RGS21: variants seen among roughly 807,000 people sequenced by gnomAD.
RGS21 encodes regulator of G protein signaling 21.
A neutral mutation model predicts 18.7 loss-of-function variants in RGS21; 19 were observed. The ratio of observed to expected loss-of-function variants is 1.01; its 90% CI spans 0.71 to 1.49. RGS21 has a LOEUF of 1.49. Ranked by LOEUF, RGS21 falls within the 40% of genes most tolerant of loss-of-function variation. The pLI is 0.00. For synonymous variants in RGS21, 56 were observed against 57.8 expected (o/e 0.97, Z 0.14); for missense variants, 194 against 176.8 (o/e 1.10, Z -0.55).
chr1:192,347,663 T>C (rs1212031894), intron 3 of RGS21, among the ~76,000 whole-genome samples: 1 of 152,114 alleles, frequency 6.6e-6, no homozygotes, highest in African/African-American at 2.4e-5. Context: ...TTTTTTATTA[T>C]TTTTTATTTT....
At chr1:192,363,026 G>A (rs1659207520) in intron 4 of RGS21, among the ~76,000 whole-genome samples, 1 of 152,098 alleles carries the variant, frequency 6.6e-6, no homozygotes, top group African/African-American at 2.4e-5. Flanking sequence ...AAAAAGACTT[G>A]TGAAAGACTT....
chr1:192,347,491 A>T, intron 3 of RGS21, 102 bp downstream of exon 3: 1 of 607,488 alleles, frequency 1.6e-6, no homozygotes, highest in Non-Finnish European at 2.9e-6. Flanking sequence ...TTAATCAATG[A>T]AGTATAAAAT....
At chr1:192,348,854 T>G (rs1302078059) in intron 3 of RGS21, among the ~76,000 whole-genome samples, 1 of 152,100 alleles carries the variant, frequency 6.6e-6, no homozygotes, top group Non-Finnish European at 1.5e-5. Context: ...TAAAACACAA[T>G]AGAGCTGAAT....
chr1:192,364,051 A>G (rs115355646), intron 4 of RGS21, among the ~76,000 whole-genome samples: 284 of 152,298 alleles, frequency 1.9e-3, no homozygotes, highest in African/African-American at 6.4e-3. Flanking sequence ...GTCAAAAACT[A>G]TCAGCAGCTT....
At chr1:192,344,465 T>C (rs1658918691) in intron 2 of RGS21, among the ~76,000 whole-genome samples, 1 of 152,118 alleles carries the variant, frequency 6.6e-6, no homozygotes, top group South Asian at 2.1e-4. Context: ...AACAGACTGT[T>C]ATTTTCAAGA....
chr1:192,343,809 T>C (rs2102230366), intron 2 of RGS21, among the ~76,000 whole-genome samples: 1 of 151,680 alleles, frequency 6.6e-6, no homozygotes, highest in Admixed American at 6.6e-5. Flanking sequence ...AACACAGAAA[T>C]GAAAAGAGCC....
chr1:192,354,940 A>G (rs1285244670), intron 4 of RGS21, among the ~76,000 whole-genome samples: 1 of 151,766 alleles, frequency 6.6e-6, no homozygotes, highest in Non-Finnish European at 1.5e-5. Flanking sequence ...AATTGACATT[A>G]CTAATGGGTA....
intron 1 of RGS21, among the ~76,000 whole-genome samples, chr1:192,340,703 G>T (rs1244663195): frequency 6.6e-6 from 1 of 152,084 alleles, no homozygotes; most frequent in East Asian, 1.9e-4. Flanking sequence ...AGAAAAAGAG[G>T]TTTAATGGAC....
chr1:192,364,245 T>G (rs2102239805), intron 4 of RGS21, among the ~76,000 whole-genome samples: 1 of 152,244 alleles, frequency 6.6e-6, no homozygotes, highest in South Asian at 2.1e-4. Flanking sequence ...ATTTTGGCAC[T>G]TGTTCTGGAA....
chr1:192,357,450 A>T (rs954308578), intron 4 of RGS21, among the ~76,000 whole-genome samples: 3 of 151,930 alleles, frequency 2.0e-5, no homozygotes, highest in Non-Finnish European at 4.4e-5. Context: ...GAAAGAGAAA[A>T]GGAGAGCTAA....
chr1:192,339,216 A>AT (rs76322410), intron 1 of RGS21, among the ~76,000 whole-genome samples: 40 of 150,252 alleles, frequency 2.7e-4, no homozygotes, highest in South Asian at 6.3e-4. Flanking sequence ...TCAAATCGGC[A>AT]TTTTTTTTTA....
chr1:192,318,677 TATTG>T, intron 1 of RGS21, among the ~76,000 whole-genome samples: 1 of 152,244 alleles, frequency 6.6e-6, no homozygotes, highest in Non-Finnish European at 1.5e-5. Flanking sequence ...CTTAAAATGA[TATTG>T]ATTAATCTTC....
At chr1:192,320,439 C>T (rs934773449) in intron 1 of RGS21, among the ~76,000 whole-genome samples, 4 of 152,004 alleles carry the variant, frequency 2.6e-5, no homozygotes, top group Non-Finnish European at 4.4e-5. Context: ...CAGAGCACCT[C>T]ATACAGTAGA....
intron 1 of RGS21, among the ~76,000 whole-genome samples, chr1:192,338,246 T>G (rs1254502158): frequency 1.3e-5 from 2 of 152,168 alleles, no homozygotes; most frequent in Admixed American, 6.6e-5. Context: ...CATTGCTTTA[T>G]AAATTGAACC....
intron 1 of RGS21, among the ~76,000 whole-genome samples, chr1:192,323,232 T>G (rs1658520284): frequency 6.6e-6 from 1 of 152,146 alleles, no homozygotes; most frequent in South Asian, 2.1e-4. Flanking sequence ...TGCCTCTTTC[T>G]GCCTTTGCAT....
At chr1:192,327,850 A>G (rs148013520) in intron 1 of RGS21, among the ~76,000 whole-genome samples, 34 of 152,350 alleles carry the variant, frequency 2.2e-4, no homozygotes, top group Non-Finnish European at 4.4e-4. Flanking sequence ...TTTAGTAAAT[A>G]TAGAAAGCCT....
Position 192,366,089 on chromosome 1 carries a change from G to T in RGS21, c.424G>T (p.Val142Phe), listed in dbSNP as rs745543379. Residue 142 changes from valine to phenylalanine, a missense_variant, in exon 5 of 5, where the codon GTT becomes TTT. Coordinates refer to ENST00000417209, the MANE Select transcript of RGS21 (RefSeq NM_001039152.3). ...TAAAAAACTGGTAAATAGCCAACAG[G>T]TTCCAAATCATAAAAAATGGCTCCC... The part of the protein sequence containing the change: ...IYKKLVNSQQ[V>F]PNHKKWLPFL 38 of 1,610,244 alleles carry T rather than the reference G, an allele frequency of 2.4e-5. No individual in the cohort carries two copies. Among genetic ancestry groups the T allele is most frequent in the Non-Finnish European group, 3.2e-5 (38 of 1,178,278 alleles).
intron 1 of RGS21, among the ~76,000 whole-genome samples, chr1:192,339,489 C>CT (rs146441948): frequency 0.044 from 6,622 of 151,456 alleles, 212 homozygotes; most frequent in East Asian, 0.19. Flanking sequence ...ATCTCTAAAC[C>CT]TTTTTTTTAT....
At chr1:192,323,929 A>C (rs894312352) in intron 1 of RGS21, among the ~76,000 whole-genome samples, 1 of 43,190 alleles carries the variant, frequency 2.3e-5, no homozygotes, top group African/African-American at 1.8e-4. Flanking sequence ...AAATGTATTC[A>C]AAAAAAGTTG....
Sources: allele counts gnomAD v4.1 joint callset (sites outside exome capture counted in the v4.1 genomes callset), GRCh38; gene constraint gnomAD v4.1.1; transcripts MANE v1.5; gene names NCBI Gene and HGNC (gene_info 2026-07-23, HGNC 2026-07-21).